The following STAT3 variants were observed in gnomAD, a reference collection of about 807,000 sequenced individuals.
STAT3 encodes signal transducer and activator of transcription 3.
Under a neutral mutation model 114.3 loss-of-function variants are expected in STAT3, and 7 were observed. The observed-to-expected ratio is 0.06, with a 90% CI of 0.03 to 0.11. The LOEUF (loss-of-function observed/expected upper bound fraction) is 0.11, where lower values mean the gene tolerates loss of function less well. STAT3 is among the 10% of genes least tolerant of loss of function. STAT3 has a pLI of 1.00. For synonymous variants in STAT3, 331 were observed against 354.5 expected (o/e 0.93, Z 0.74); for missense variants, 364 against 960.9 (o/e 0.38, Z 8.21).
intron 4 of STAT3, among the ~76,000 whole-genome samples, chr17:42,344,150 C>T (rs1367319145): frequency 1.3e-5 from 2 of 152,124 alleles, no homozygotes; most frequent in African/African-American, 2.4e-5. Flanking sequence ...AAGCCAGGTG[C>T]GGTTGCTCAC....
At position 42,337,524 on chromosome 17, in the gene STAT3, C is replaced by T. The variant is rs1007672644; in HGVS notation, c.708G>A (p.Thr236=). 1.4e-5 allele frequency: 22 copies of T among 1,614,076 alleles called. No individual in the cohort carries two copies. Among genetic ancestry groups the T allele is most frequent in the East Asian group, 4.5e-5 (2 of 44,898 alleles). The change falls in exon 8 of 24, where the codon ACG becomes ACA. Residue 236 remains threonine (T), a synonymous_variant. Transcript: ENST00000264657. The surrounding 1 kb of genome is among the most constrained non-coding windows in gnomAD (Gnocchi z 4.0). ...TCTTCCAGTCAGCCAGCTCCTCGTC[C>T]GTGAGAGTTTTCTGCACGTACTCCA... ...SAMEYVQKTL[T]DEELADWKRR...
chr17:42,346,767 A>C, intron 2 of STAT3, 54 bp from the exon 3 acceptor site: 1 of 1,613,366 alleles, frequency 6.2e-7, no homozygotes, highest in Non-Finnish European at 8.5e-7. Flanking sequence ...CATACACACA[A>C]ACACAGAAAT....
intron 1 of STAT3, among the ~76,000 whole-genome samples, chr17:42,361,586 G>GC (rs1567743834): frequency 6.6e-6 from 1 of 151,976 alleles, no homozygotes; most frequent in Non-Finnish European, 1.5e-5. Flanking sequence ...CGAAATCAGA[G>GC]CAGAGATCAG....
At chr17:42,359,568 GA>G (rs2083406029) in intron 1 of STAT3, among the ~76,000 whole-genome samples, 1 of 152,010 alleles carries the variant, frequency 6.6e-6, no homozygotes, top group Non-Finnish European at 1.5e-5. Flanking sequence ...AGAAAAAGAT[GA>G]AAAATAAGAA....
chr17:42,337,155 T>A lies in STAT3; in HGVS notation c.797+280A>T, dbSNP rs1484498907. On this transcript the variant is annotated intron_variant, in intron 8 of 23. Transcript: ENST00000264657. The surrounding 1 kb of genome is among the most constrained non-coding windows in gnomAD (Gnocchi z 4.0). The stretch of plus-strand genomic sequence containing the variant: ...CCACCACGCCCGGCTAATTTTTTTA[T>A]GTTTTTAGTAGAGATGTGTTTTCAC... Among the ~76,000 whole-genome samples, 1 of 151,990 alleles carries A rather than the reference T, an allele frequency of 6.6e-6. No individual in the cohort carries two copies. Among genetic ancestry groups the A allele is most frequent in the East Asian group, 1.9e-4 (1 of 5,192 alleles).
intron 1 of STAT3, among the ~76,000 whole-genome samples, chr17:42,351,681 G>A (rs1339516520): frequency 6.6e-6 from 1 of 152,162 alleles, no homozygotes; most frequent in Non-Finnish European, 1.5e-5. Context: ...GCTCAGTAAA[G>A]CAAATAGAGA....
In STAT3 at chr17:42,337,659, C is replaced by T. The variant is rs970179214; in HGVS notation, c.646-73G>A. The stretch of plus-strand genomic sequence containing the variant: ...TCTAACCACATTCTTTAGTCAACTC[C>T]AGAGCAGGAACTTCTTAGAAACCAA... On this transcript the variant is annotated intron_variant, in intron 7 of 23. Transcript: ENST00000264657. This position sits in a 1 kb window ranked among gnomAD's most constrained non-coding sequence, Gnocchi z 4.0. The T allele has an allele frequency of 1.2e-5, 20 of 1,613,790 alleles. No homozygotes were observed. The highest frequency in any genetic ancestry group is 1.7e-5 in the Non-Finnish European group (20 of 1,179,856).
chr17:42,363,025 G>T (rs2083595101), intron 1 of STAT3, among the ~76,000 whole-genome samples: 1 of 152,226 alleles, frequency 6.6e-6, no homozygotes, highest in Admixed American at 6.5e-5. Flanking sequence ...AAGACAAGAA[G>T]AGTCTTGGCT....
chr17:42,329,493 C>T (rs531619290), intron 13 of STAT3, 36 bp from the exon 14 acceptor site: 7 of 1,614,196 alleles, frequency 4.3e-6, no homozygotes, highest in African/African-American at 1.3e-5. Flanking sequence ...TCCTGTGAGG[C>T]TCTCCCTAGC....
intron 1 of STAT3, among the ~76,000 whole-genome samples, chr17:42,353,209 A>G (rs1374536520): frequency 7.2e-5 from 11 of 151,982 alleles, no homozygotes; most frequent in African/African-American, 2.4e-4. Flanking sequence ...TTAGCTGGGT[A>G]TGGTGGCACA....
In STAT3 at chr17:42,315,810, C is replaced by T. The variant is rs1402285355; in HGVS notation, c.2258-10G>A. The T allele has an allele frequency of 2.5e-6, 4 of 1,613,944 alleles. No homozygotes were observed. Among genetic ancestry groups the T allele is most frequent in the African/African-American group, 2.7e-5 (2 of 74,900 alleles). On this transcript the variant is annotated splice_polypyrimidine_tract_variant and intron_variant, in intron 23 of 23. Transcript: ENST00000264657. ...TCAAAGGTGAGGGACTCTGGAGGGA[C>T]AGACAGGGAAAACTAGTTCAGTTGT...
chr17:42,382,166 C>T (rs1248484053), intron 1 of STAT3, among the ~76,000 whole-genome samples: 1 of 152,156 alleles, frequency 6.6e-6, no homozygotes, highest in Non-Finnish European at 1.5e-5. Context: ...TTCAGGTGTT[C>T]CCATCTGATA....
rs767204952 is a variant in STAT3 at position 42,323,286 on chromosome 17, C to T, written c.1722G>A (p.Lys574=). ...WLDNIIDLVK[K]YILALWNEGY... ...CTTCGTTCCAAAGGGCCAGGATGTA[C>T]TTTTTCACAAGGTCAATGATATTGT... is the stretch of plus-strand genomic sequence containing the variant. Residue 574 remains lysine, a synonymous_variant, in exon 19 of 24, where the codon AAG becomes AAA. Transcript: ENST00000264657. 1 of 1,614,168 alleles carries T rather than the reference C, an allele frequency of 6.2e-7. No individual in the cohort carries two copies. The highest frequency in any genetic ancestry group is 8.5e-7 in the Non-Finnish European group (1 of 1,180,018).
Position 42,337,593 on chromosome 17 carries a change from G to A in STAT3, c.646-7C>T, listed in dbSNP as rs993067731. On this transcript the variant is annotated splice_region_variant and splice_polypyrimidine_tract_variant and intron_variant, in intron 7 of 23. Transcript: ENST00000264657. This position sits in a 1 kb window ranked among gnomAD's most constrained non-coding sequence, Gnocchi z 4.0. ...CCAGCTCACTCACGATGCTCTGGTTGGAAACCAAAACAAAGTCAGAAAACA... is the reference window on the plus strand; with the variant it reads ...CCAGCTCACTCACGATGCTCTGGTTAGAAACCAAAACAAAGTCAGAAAACA... 2.5e-6 allele frequency: 4 copies of A among 1,614,020 alleles called. No homozygotes were observed.
At chr17:42,366,969 C>T (rs566364075) in intron 1 of STAT3, among the ~76,000 whole-genome samples, 2 of 152,040 alleles carry the variant, frequency 1.3e-5, no homozygotes, top group Admixed American at 1.3e-4. Context: ...GGTGAAATCC[C>T]GTTTCTACTA....
chr17:42,350,129 G>A (rs1202798872), intron 1 of STAT3, among the ~76,000 whole-genome samples: 1 of 152,100 alleles, frequency 6.6e-6, no homozygotes, highest in Non-Finnish European at 1.5e-5. Context: ...ACAGACCAAG[G>A]TCCAATGAGA....
chr17:42,326,148 C>T lies in STAT3; in HGVS notation c.1333G>A (p.Val445Met). The change falls in exon 15 of 24, where the codon GTG becomes ATG. Residue 445 changes from valine to methionine, a missense_variant. Val to Met is a conservative substitution (Grantham distance 21, BLOSUM62 1). This residue lies in a region of STAT3 where 294 missense variants were observed against 745.1 expected (regional missense o/e 0.39). Transcript: ENST00000264657. ...TCAATCTTGAGGCCTTGGTGATACACCTCGGTCTCAAAGGTGATCAGGTGC... is the reference window on the plus strand; with the variant it reads ...TCAATCTTGAGGCCTTGGTGATACATCTCGGTCTCAAAGGTGATCAGGTGC... ...ELHLITFETE[V>M]YHQGLKIDLE... 3.1e-6 allele frequency: 5 copies of T among 1,614,024 alleles called. No homozygotes were observed. The highest frequency in any genetic ancestry group is 4.2e-6 in the Non-Finnish European group (5 of 1,179,920).
intron 1 of STAT3, among the ~76,000 whole-genome samples, chr17:42,381,102 AAG>A (rs150484396): frequency 1.6e-3 from 249 of 152,306 alleles, no homozygotes; most frequent in African/African-American, 5.6e-3. Flanking sequence ...CCCAAGGTCT[AAG>A]AGAAGGCAGA....
chr17:42,315,714 G>T lies in STAT3; in HGVS notation c.*31C>A, dbSNP rs374107124. 3.1e-6 allele frequency: 5 copies of T among 1,606,504 alleles called. No individual in the cohort carries two copies. Among genetic ancestry groups the T allele is most frequent in the Non-Finnish European group, 4.3e-6 (5 of 1,173,210 alleles). On this transcript the variant is annotated 3_prime_UTR_variant, in exon 24 of 24. Coordinates refer to ENST00000264657, the MANE Select transcript of STAT3 (RefSeq NM_139276.3). ...CAGAATGCAGGTAGGCGCCTCAGTCGTATCTTTCTGCAGCTTCCGTTCTCA... is the reference window on the plus strand; with the variant it reads ...CAGAATGCAGGTAGGCGCCTCAGTCTTATCTTTCTGCAGCTTCCGTTCTCA...
Sources: allele counts gnomAD v4.1 joint callset (sites outside exome capture counted in the v4.1 genomes callset), GRCh38; gene constraint gnomAD v4.1.1; regional missense constraint gnomAD v4.1.1; non-coding constraint Gnocchi (gnomAD v3.1); transcripts MANE v1.5; gene names NCBI Gene and HGNC (gene_info 2026-07-23, HGNC 2026-07-21).